The following DHX32 variants were observed in gnomAD, a reference collection of about 807,000 sequenced individuals.
The protein encoded by DHX32 is putative pre-mRNA-splicing factor ATP-dependent RNA helicase DHX32.
DHX32 carries 51 observed loss-of-function variants against 70.0 expected under a neutral mutation model. That is an observed-to-expected ratio of 0.73 (90% CI 0.58 to 0.92). The LOEUF is 0.92. Among genes scored for constraint, DHX32 ranks in the 40% least tolerant of loss-of-function variants. The probability of loss-of-function intolerance (pLI) is 0.00; values close to 1 mark genes in which losing one functional copy is unlikely to be tolerated. For missense variants in DHX32, 762 were observed against 891.8 expected, an observed-to-expected ratio of 0.85 and a Z score of 1.85; for synonymous variants, 310 against 315.3, an observed-to-expected ratio of 0.98 and a Z score of 0.18.
At chr10:125,848,795 A>G (rs1944055267) in intron 6 of DHX32, among the ~76,000 whole-genome samples, 1 of 152,206 alleles carries the variant, frequency 6.6e-6, no homozygotes, top group Non-Finnish European at 1.5e-5. Flanking sequence ...TATAGCATTT[A>G]CTATACACCA....
intron 6 of DHX32, among the ~76,000 whole-genome samples, chr10:125,848,893 TAAATG>T (rs1379280448): frequency 2.6e-5 from 4 of 152,206 alleles, no homozygotes; most frequent in Middle Eastern, 3.2e-3. Context: ...CATATTCAGA[TAAATG>T]AAGTGAAGCA....
upstream of DHX32, among the ~76,000 whole-genome samples, chr10:125,883,953 C>T (rs1192402881): frequency 6.6e-6 from 1 of 152,302 alleles, no homozygotes; most frequent in Non-Finnish European, 1.5e-5. Context: ...GCCTTTCTAA[C>T]CTGCTCTCCT....
At chr10:125,854,847 GA>G (rs1176074310) in intron 3 of DHX32, 1 of 152,180 alleles carries the variant, frequency 6.6e-6, no homozygotes, top group African/African-American at 2.4e-5. Context: ...TTGCCAATTG[GA>G]ATAATGAGAA....
rs1452117508 is a variant in DHX32, at chr10:125,880,641, G to A, written c.184C>T (p.Leu62Phe). 1 of 1,614,126 alleles carries A rather than the reference G, an allele frequency of 6.2e-7. No individual in the cohort carries two copies. The highest frequency in any genetic ancestry group is 1.7e-5 in the Admixed American group (1 of 60,000). Residue 62 changes from leucine to phenylalanine, a missense_variant, in exon 1 of 11, where the codon CTT (leucine) becomes TTT (phenylalanine). Transcript: ENST00000284690. ...GAGTATTTTTCTTTCCATATAGGAA[G>A]ATCTTCTCTTTCTTTCAGAAGTTTA... ...YYKLLKERED[L>F]PIWKEKYSFM...
At chr10:125,853,924 G>T (rs755394233) in intron 4 of DHX32, 37 bp downstream of exon 4, 2 of 1,592,228 alleles carry the variant, frequency 1.3e-6, no homozygotes, top group South Asian at 1.1e-5. Flanking sequence ...GCTTGACAAC[G>T]ATCAGCAGTC....
intron 10 of DHX32, among the ~76,000 whole-genome samples, chr10:125,837,998 C>T (rs932792601): frequency 1.3e-5 from 2 of 152,182 alleles, no homozygotes; most frequent in African/African-American, 4.8e-5. Context: ...TTTATTTCTA[C>T]ACTGTCTTTT....
intron 1 of DHX32, among the ~76,000 whole-genome samples, chr10:125,870,016 T>G (rs908104851): frequency 2.0e-5 from 3 of 152,096 alleles, no homozygotes; most frequent in Admixed American, 2.0e-4. Flanking sequence ...AGACAAATAT[T>G]CTATGATTTC....
At chr10:125,889,912 TTTAA>T (rs1944359903) in intron 1 of DHX32, among the ~76,000 whole-genome samples, 1 of 152,426 alleles carries the variant, frequency 6.6e-6, no homozygotes, top group East Asian at 1.9e-4. Context: ...CCTTCAGAGG[TTTAA>T]TTTATACGGC....
chr10:125,885,393 T>C (rs112663630), upstream of DHX32, among the ~76,000 whole-genome samples: 456 of 152,226 alleles, frequency 3.0e-3, 1 homozygote, highest in African/African-American at 0.01. Flanking sequence ...TCCTGGACGA[T>C]CCTGGTGAGC....
chr10:125,845,851 C>T (rs190681989), intron 6 of DHX32, among the ~76,000 whole-genome samples: 91 of 152,326 alleles, frequency 6.0e-4, no homozygotes, highest in African/African-American at 2.0e-3. Context: ...CCAGCTCCTC[C>T]GAGCTTAGCT....
chr10:125,847,320 T>C (rs567815152), intron 6 of DHX32, among the ~76,000 whole-genome samples: 25 of 152,356 alleles, frequency 1.6e-4, no homozygotes, highest in African/African-American at 5.8e-4. Context: ...AGTTCCCTTA[T>C]CATAATTCAC....
Position 125,836,578 on chromosome 10 carries a change from C to G in DHX32, c.*109G>C. The G allele has an allele frequency of 1.4e-6, 2 of 1,412,622 alleles. No individual in the cohort carries two copies. The highest frequency in any genetic ancestry group is 1.9e-6 in the Non-Finnish European group (2 of 1,060,152). 87.5% of individuals were successfully genotyped at this position (1,412,622 alleles called of 1,614,324 possible). A position where few individuals can be genotyped will look rare whatever the true frequency, so the allele number is the denominator to read the frequency against. On this transcript the variant is annotated 3_prime_UTR_variant, in exon 11 of 11. Coordinates refer to ENST00000284690, the MANE Select transcript of DHX32 (RefSeq NM_018180.3). Reference sequence around the variant, plus strand: ...ATACACAGTGTTATTTTCTTCAAGACCGTCCTGTGGATGTGAAATCCGTCT... The same window carrying G: ...ATACACAGTGTTATTTTCTTCAAGAGCGTCCTGTGGATGTGAAATCCGTCT...
At chr10:125,892,134 A>G (rs140359759) in intron 1 of DHX32, among the ~76,000 whole-genome samples, 698 of 152,314 alleles carry the variant, frequency 4.6e-3, no homozygotes, top group African/African-American at 0.016. Flanking sequence ...TTAGAGTTCA[A>G]TGAATAACAG....
At chr10:125,885,101 G>A (rs952811209), upstream of DHX32, among the ~76,000 whole-genome samples, 2 of 151,968 alleles carry the variant, frequency 1.3e-5, no homozygotes, top group African/African-American at 2.4e-5. Flanking sequence ...GACTTTACAC[G>A]CCTGCAACTG....
chr10:125,868,813 T>A (rs1294824800), intron 1 of DHX32, among the ~76,000 whole-genome samples: 1 of 152,130 alleles, frequency 6.6e-6, no homozygotes, highest in Non-Finnish European at 1.5e-5. Context: ...ATCCTTCAAG[T>A]TTGAACTCTG....
Position 125,838,993 on chromosome 10 carries a change from C to G in DHX32, c.1881+8G>C, listed in dbSNP as rs1854787244. 6.2e-7 allele frequency: 1 copy of G among 1,612,684 alleles called. No homozygotes were observed. The highest frequency in any genetic ancestry group is 1.7e-5 in the Admixed American group (1 of 59,948). On this transcript the variant is annotated splice_region_variant and intron_variant, in intron 9 of 10. Coordinates refer to ENST00000284690, the MANE Select transcript of DHX32 (RefSeq NM_018180.3). Reference sequence around the variant, plus strand: ...AGCCTATGCTGAGGTGACCCCACCCCTTCTCACCTGCATAAAGTAACCGGA... The same window carrying G: ...AGCCTATGCTGAGGTGACCCCACCCGTTCTCACCTGCATAAAGTAACCGGA...
chr10:125,844,990 C>T (rs1943993115), intron 6 of DHX32, among the ~76,000 whole-genome samples: 1 of 152,184 alleles, frequency 6.6e-6, no homozygotes, highest in Admixed American at 6.5e-5. Context: ...TGTGGAACCC[C>T]AAATGCCAAG....
chr10:125,852,632 G>C lies in DHX32; in HGVS notation c.1103C>G (p.Pro368Arg). ...GACGAGCGAGTTTGCTCTTATTCTC[G>C]GGTTGTACACCTTTAAATGGAAAGA... is the stretch of plus-strand genomic sequence containing the variant. ...VGVERRKVYNPRIRANSLVMQ... is the reference protein window; with the variant it reads ...VGVERRKVYNRRIRANSLVMQ... Residue 368 changes from proline to arginine, a missense_variant, in exon 5 of 11, where the codon CCG becomes CGG. Physicochemically the swap from Pro to Arg is moderately radical, Grantham distance 103. Coordinates refer to ENST00000284690, the MANE Select transcript of DHX32 (RefSeq NM_018180.3). 2 of 1,610,234 alleles carry C rather than the reference G, an allele frequency of 1.2e-6. No individual in the cohort carries two copies. Among genetic ancestry groups the C allele is most frequent in the South Asian group, 1.1e-5 (1 of 90,120 alleles).
intron 2 of DHX32, among the ~76,000 whole-genome samples, chr10:125,860,749 C>G (rs1374585064): frequency 7.6e-6 from 1 of 131,122 alleles, no homozygotes; most frequent in Non-Finnish European, 1.6e-5. Context: ...AGAAACCAAT[C>G]CCATTTTTTT....
Sources: gnomAD v4.1 joint callset for allele counts (sites outside exome capture counted in the v4.1 genomes callset) on GRCh38, gnomAD v4.1.1 for gene constraint, MANE v1.5 for transcripts, NCBI Gene and HGNC (gene_info 2026-07-23, HGNC 2026-07-21) for gene names.